The following MAN1C1 variants were observed in gnomAD, a reference collection of about 807,000 sequenced individuals.
The protein encoded by MAN1C1 is mannosidase alpha class 1C member 1.
Under a neutral mutation model 71.5 loss-of-function variants are expected in MAN1C1, and 49 were observed. The ratio of observed to expected loss-of-function variants is 0.69; its 90% confidence interval spans 0.54 to 0.87. The LOEUF (loss-of-function observed/expected upper bound fraction) is 0.87. Ranked by LOEUF, MAN1C1 falls within the 40% of genes least tolerant of loss-of-function variation. MAN1C1 has a pLI of 0.00. For missense variants in MAN1C1, 743 were observed against 835.0 expected, an observed-to-expected ratio of 0.89 and a Z score of 1.36; for synonymous variants, 352 against 343.7, an observed-to-expected ratio of 1.02 and a Z score of -0.27.
In MAN1C1 at chr1:25,637,109, C is replaced by T. The variant is rs538126174; in HGVS notation, c.540+18772C>T. Among the ~76,000 whole-genome samples, 71 of 151,992 alleles carry T rather than the reference C, an allele frequency of 4.7e-4. No homozygotes were observed. The East Asian group carries it at 7.4e-3, about 16-fold the overall frequency. ...GATGAAGGTTGCAGTGAGCTGAGAT[C>T]GCGCCACTGCACTCCAGCCTGGGCA... is the stretch of plus-strand genomic sequence containing the variant. On this transcript the variant is annotated intron_variant, in intron 1 of 11. Coordinates refer to ENST00000374332, the MANE Select transcript of MAN1C1 (RefSeq NM_020379.4).
intron 2 of MAN1C1, among the ~76,000 whole-genome samples, chr1:25,718,097 G>T (rs1282292293): frequency 1.3e-5 from 2 of 151,676 alleles, no homozygotes; most frequent in African/African-American, 4.9e-5. Context: ...ACTTCCTATG[G>T]CTGTGTACAC....
At position 25,662,679 on chromosome 1, in the gene MAN1C1, C is replaced by T. The variant is rs1397317747; in HGVS notation, c.541-23761C>T. On this transcript the variant is annotated intron_variant, in intron 1 of 11. Coordinates refer to ENST00000374332, the MANE Select transcript of MAN1C1 (RefSeq NM_020379.4). Reference sequence around the variant, plus strand: ...GGGCATGGTGGCTCACACCTGTAATCCTAGCACTTTGGGAGGCTGAGGCAG... The same window carrying T: ...GGGCATGGTGGCTCACACCTGTAATTCTAGCACTTTGGGAGGCTGAGGCAG... Among the ~76,000 whole-genome samples the T allele has an allele frequency of 2.0e-5, 3 of 152,146 alleles. No individual in the cohort carries two copies. In the East Asian group the frequency reaches 5.8e-4, roughly 29 times the overall value.
At chr1:25,723,387 G>A (rs2046792211) in intron 2 of MAN1C1, among the ~76,000 whole-genome samples, 1 of 152,190 alleles carries the variant, frequency 6.6e-6, no homozygotes, top group African/African-American at 2.4e-5. Context: ...ACCTGGTGTT[G>A]CCACCAATCC....
At chr1:25,679,644 G>A (rs112855673) in intron 1 of MAN1C1, among the ~76,000 whole-genome samples, 2,047 of 150,198 alleles carry the variant, frequency 0.014, 36 homozygotes, top group African/African-American at 0.045. Flanking sequence ...CCCAGATTCC[G>A]CAAACGTTAA....
At chr1:25,624,450 A>G (rs2045263284) in intron 1 of MAN1C1, among the ~76,000 whole-genome samples, 1 of 152,106 alleles carries the variant, frequency 6.6e-6, no homozygotes, top group Non-Finnish European at 1.5e-5. Context: ...AGCTCCCCAC[A>G]CTTGGCAGGC....
At chr1:25,654,925 G>A (rs1375700216) in intron 1 of MAN1C1, among the ~76,000 whole-genome samples, 3 of 152,128 alleles carry the variant, frequency 2.0e-5, no homozygotes, top group Non-Finnish European at 4.4e-5. Context: ...GATTACAGGC[G>A]TGAGCCACCG....
At chr1:25,722,827 C>T (rs1488247329) in intron 2 of MAN1C1, among the ~76,000 whole-genome samples, 2 of 152,090 alleles carry the variant, frequency 1.3e-5, no homozygotes, top group East Asian at 3.9e-4. Flanking sequence ...GGTGAGTGGG[C>T]TCTGCTGACT....
At position 25,783,748 on chromosome 1, in the gene MAN1C1, A is replaced by G. The variant is rs771915555; in HGVS notation, c.1852A>G (p.Asn618Asp). 1 of 1,612,988 alleles carries G rather than the reference A, an allele frequency of 6.2e-7. No homozygotes were observed. Among genetic ancestry groups the G allele is most frequent in the Non-Finnish European group, 8.5e-7 (1 of 1,180,010 alleles). Residue 618 changes from asparagine to aspartate, a missense_variant, in exon 12 of 12, where the codon AAC becomes GAC. Coordinates refer to ENST00000374332, the MANE Select transcript of MAN1C1 (RefSeq NM_020379.4). ...CACCGAGGCCCACCCACTCCCGGTG[A>G]ACCACTCAGACAGCTCCGGCAGAGC... ...FNTEAHPLPVNHSDSSGRAWG... is the reference protein window; with the variant it reads ...FNTEAHPLPVDHSDSSGRAWG...
chr1:25,772,986 C>G (rs2047574635), intron 8 of MAN1C1, among the ~76,000 whole-genome samples: 2 of 152,366 alleles, frequency 1.3e-5, no homozygotes, highest in South Asian at 4.1e-4. Context: ...GCCACTGAAA[C>G]TACCATTCCC....
intron 1 of MAN1C1, among the ~76,000 whole-genome samples, chr1:25,677,848 T>C (rs1286653620): frequency 2.6e-5 from 3 of 115,180 alleles, no homozygotes; most frequent in Non-Finnish European, 4.8e-5. Flanking sequence ...AAGACCTCCT[T>C]TTTTTTTTTT....
At position 25,616,823 on chromosome 1, in the gene MAN1C1, C is replaced by A. The variant is rs1279159961; in HGVS notation, c.-975C>A. 6.8e-6 allele frequency among the ~76,000 whole-genome samples: 1 copy of A among 147,956 alleles called. No homozygotes were observed. Among genetic ancestry groups the A allele is most frequent in the Non-Finnish European group, 1.5e-5 (1 of 66,406 alleles). ...GCCCGAGCGGCGGCGGCGGCGGGGA[C>A]GGCGGTGGAGGCGGCCGGGTGGCTG... On this transcript the variant is annotated 5_prime_UTR_variant, in exon 1 of 12. Coordinates refer to ENST00000374332, the MANE Select transcript of MAN1C1 (RefSeq NM_020379.4). This position sits in a 1 kb window ranked among gnomAD's most constrained non-coding sequence, Gnocchi z 5.6.
chr1:25,664,785 C>T (rs1172575948), intron 1 of MAN1C1, among the ~76,000 whole-genome samples: 1 of 152,148 alleles, frequency 6.6e-6, no homozygotes, highest in African/African-American at 2.4e-5. Flanking sequence ...ACTCGCTGGG[C>T]GGGGGCTGTG....
chr1:25,753,183 T>A lies in MAN1C1; in HGVS notation c.835-301T>A, dbSNP rs897766714. Among the ~76,000 whole-genome samples, 2 of 152,170 alleles carry A rather than the reference T, an allele frequency of 1.3e-5. No homozygotes were observed. Among genetic ancestry groups the A allele is most frequent in the Non-Finnish European group, 2.9e-5 (2 of 68,038 alleles). ...ATCCCAATAAGCAGCATCCAGCCTT[T>A]GCCACCAGAGTCCTGACACTGTGGT... On this transcript the variant is annotated intron_variant, in intron 4 of 11. Coordinates refer to ENST00000374332, the MANE Select transcript of MAN1C1 (RefSeq NM_020379.4). This position sits in a 1 kb window ranked among gnomAD's most constrained non-coding sequence, Gnocchi z 4.9.
At chr1:25,755,344 T>C (rs2047271991) in intron 5 of MAN1C1, among the ~76,000 whole-genome samples, 1 of 152,168 alleles carries the variant, frequency 6.6e-6, no homozygotes, top group Non-Finnish European at 1.5e-5. Context: ...TCTTTTTCAC[T>C]CATGCTCTCT....
At chr1:25,668,803 C>A (rs1322994978) in intron 1 of MAN1C1, among the ~76,000 whole-genome samples, 1 of 152,072 alleles carries the variant, frequency 6.6e-6, no homozygotes, top group Non-Finnish European at 1.5e-5. Context: ...CGTGATCCAC[C>A]CGCCTCGGCC....
chr1:25,748,093 G>GT (rs146440841), intron 3 of MAN1C1, among the ~76,000 whole-genome samples: 3,619 of 152,272 alleles, frequency 0.024, 145 homozygotes, highest in African/African-American at 0.08. Context: ...CGTTCCCTGT[G>GT]TAGACAGTGG....
chr1:25,723,346 C>A (rs1031138825), intron 2 of MAN1C1, among the ~76,000 whole-genome samples: 4 of 152,230 alleles, frequency 2.6e-5, no homozygotes, highest in African/African-American at 9.6e-5. Context: ...TGACTTGCAA[C>A]AAGCCCTCCT....
Position 25,763,906 on chromosome 1 carries a change from C to T in MAN1C1, c.1080C>T (p.Ile360=), listed in dbSNP as rs749676923. ...VRNIRKVLRK[I]EKPFGLYPNF... is the part of the protein sequence containing the mutation. ...ACATCCGCAAGGTCCTCAGGAAGAT[C>T]GAAAAGCCCTTTGGCCTCTACCCCA... is the stretch of plus-strand genomic sequence containing the variant. The change falls in exon 7 of 12, where the codon ATC becomes ATT. Residue 360 remains isoleucine, a synonymous_variant. Coordinates refer to ENST00000374332, the MANE Select transcript of MAN1C1 (RefSeq NM_020379.4). The T allele has an allele frequency of 6.2e-6, 10 of 1,613,960 alleles. No homozygotes were observed. The highest frequency in any genetic ancestry group is 4.5e-5 in the East Asian group (2 of 44,878).
chr1:25,643,270 T>C (rs2045562669), intron 1 of MAN1C1, among the ~76,000 whole-genome samples: 1 of 149,380 alleles, frequency 6.7e-6, no homozygotes, highest in Admixed American at 6.7e-5. Context: ...TTACTTACCT[T>C]TGAAACAGAG....
Sources: allele counts gnomAD v4.1 joint callset (sites outside exome capture counted in the v4.1 genomes callset), GRCh38; gene constraint gnomAD v4.1.1; non-coding constraint Gnocchi (gnomAD v3.1); transcripts MANE v1.5; gene names NCBI Gene and HGNC (gene_info 2026-07-23, HGNC 2026-07-21).